The following SPIRE1 variants were observed in gnomAD, a reference collection of about 807,000 sequenced individuals.
The protein encoded by SPIRE1 is protein spire homolog 1.
SPIRE1 carries 40 observed loss-of-function variants against 94.1 expected under a neutral mutation model. The ratio of observed to expected loss-of-function variants is 0.43; its 90% confidence interval spans 0.33 to 0.55. The LOEUF is 0.55. Among genes scored for constraint, SPIRE1 ranks in the 20% least tolerant of loss-of-function variants. SPIRE1 has a pLI of 0.06. For missense variants in SPIRE1, 838 were observed against 975.2 expected, an observed-to-expected ratio of 0.86 and a Z score of 1.87; for synonymous variants, 376 against 371.7, an observed-to-expected ratio of 1.01 and a Z score of -0.13.
chr18:12,505,650 T>C (rs906848348), intron 6 of SPIRE1, among the ~76,000 whole-genome samples: 6 of 152,014 alleles, frequency 3.9e-5, no homozygotes, highest in Non-Finnish European at 5.9e-5. Context: ...AATTTGCTAA[T>C]GAACTAGATG....
chr18:12,600,061 T>C (rs935927878), intron 2 of SPIRE1, among the ~76,000 whole-genome samples: 3 of 144,808 alleles, frequency 2.1e-5, no homozygotes, highest in African/African-American at 7.8e-5. Context: ...TGCAGATAGA[T>C]AGTCTCTACG....
chr18:12,584,823 A>G (rs1195083282), intron 2 of SPIRE1, among the ~76,000 whole-genome samples: 11 of 152,128 alleles, frequency 7.2e-5, no homozygotes, highest in Admixed American at 7.2e-4. Context: ...CCTGTTGCCC[A>G]GGCTGGAGTG....
At chr18:12,568,315 A>G (rs1226338042) in intron 2 of SPIRE1, among the ~76,000 whole-genome samples, 1 of 152,046 alleles carries the variant, frequency 6.6e-6, no homozygotes, top group Non-Finnish European at 1.5e-5. Context: ...TTTAGTTATC[A>G]CTCATGTATG....
At chr18:12,581,034 C>A (rs1175671034) in intron 2 of SPIRE1, among the ~76,000 whole-genome samples, 1 of 152,202 alleles carries the variant, frequency 6.6e-6, no homozygotes, top group Non-Finnish European at 1.5e-5. Flanking sequence ...CTTTTCCTAG[C>A]ACACTGTCTT....
chr18:12,610,495 GTAA>G (rs1344418387), intron 2 of SPIRE1, among the ~76,000 whole-genome samples: 1 of 152,046 alleles, frequency 6.6e-6, no homozygotes, highest in Non-Finnish European at 1.5e-5. Flanking sequence ...ATCAAACATT[GTAA>G]TAATTTGCCC....
chr18:12,454,342 C>G lies in SPIRE1; in HGVS notation c.1776+4G>C, dbSNP rs376331981. 12 of 1,613,982 alleles carry G rather than the reference C, an allele frequency of 7.4e-6. No individual in the cohort carries two copies. The African/African-American group carries it at 1.6e-4, about 22-fold the overall frequency. Reference sequence around the variant, plus strand: ...TCTGATCAATCAACTTTAAACAGCACTACCTTTCCTTTTTTCAAGGCGGTG... The same window carrying G: ...TCTGATCAATCAACTTTAAACAGCAGTACCTTTCCTTTTTTCAAGGCGGTG... On this transcript the variant is annotated splice_donor_region_variant and intron_variant, in intron 13 of 16. Transcript: ENST00000409402.
In SPIRE1 at chr18:12,449,207, T is replaced by TTAAAA; in HGVS notation, c.*430_*431insTTTTA. 2.3e-5 allele frequency: 4 copies of TTAAAA among 177,190 alleles called. No homozygotes were observed. Among genetic ancestry groups the TTAAAA allele is most frequent in the South Asian group, 1.4e-4 (1 of 7,340 alleles). 11.0% of individuals were successfully genotyped at this position (177,190 alleles called of 1,614,324 possible). ...GCTCTGGATCTCTCTGTACACGGGATAGAAACACAGTCACGTGGAAATGCC... is the reference window on the plus strand; with the variant it reads ...GCTCTGGATCTCTCTGTACACGGGATTAAAAAGAAACACAGTCACGTGGAAATGCC... On this transcript the variant is annotated 3_prime_UTR_variant, in exon 17 of 17. Coordinates refer to ENST00000409402, the MANE Select transcript of SPIRE1 (RefSeq NM_001128626.2).
rs867745613 is a variant in SPIRE1 at position 12,559,173 on chromosome 18, C to A, written c.373-12269G>T. ...GAGGCTCCATCTGCTTAGGAGCCCA[C>A]GGGGTGGGGTGGGGTGGGGGGGCGC... On this transcript the variant is annotated intron_variant, in intron 2 of 16. Transcript: ENST00000409402. The surrounding 1 kb of genome is among the most constrained non-coding windows in gnomAD (Gnocchi z 4.7). Among the ~76,000 whole-genome samples, 1 of 108,398 alleles carries A rather than the reference C, an allele frequency of 9.2e-6. No homozygotes were observed. The highest frequency in any genetic ancestry group is 1.8e-5 in the Non-Finnish European group (1 of 54,642). 71.1% of individuals were successfully genotyped at this position (108,398 alleles called of 152,430 possible).
At chr18:12,473,906 T>A (rs1328812356) in intron 10 of SPIRE1, among the ~76,000 whole-genome samples, 2 of 152,224 alleles carry the variant, frequency 1.3e-5, no homozygotes, top group Non-Finnish European at 2.9e-5. Context: ...CAGCTGATAT[T>A]GTGGAATGGT....
chr18:12,659,483 A>G (rs2038650717), upstream of SPIRE1, among the ~76,000 whole-genome samples: 7 of 152,176 alleles, frequency 4.6e-5, no homozygotes, highest in Admixed American at 4.6e-4. Flanking sequence ...CCTGGCCAAC[A>G]TGGGGAAACC....
intron 2 of SPIRE1, among the ~76,000 whole-genome samples, chr18:12,613,407 A>G (rs2037197925): frequency 6.6e-6 from 1 of 152,142 alleles, no homozygotes; most frequent in South Asian, 2.1e-4. Flanking sequence ...ACAATTCAAG[A>G]CCAAAACTTC....
Position 12,657,511 on chromosome 18 carries a change from A to G in SPIRE1, c.337+19T>C, listed in dbSNP as rs1179283450. The G allele has an allele frequency of 9.8e-6, 12 of 1,229,078 alleles. No homozygotes were observed. The highest frequency in any genetic ancestry group is 1.1e-5 in the Non-Finnish European group (11 of 985,486). The allele number at this position is 1,229,078 out of a possible 1,614,324, so 76.1% of individuals were successfully genotyped here. On this transcript the variant is annotated intron_variant, in intron 1 of 16. Coordinates refer to ENST00000409402, the MANE Select transcript of SPIRE1 (RefSeq NM_001128626.2). The stretch of plus-strand genomic sequence containing the variant: ...GGGTGTTCCAAGAACTACGAGGGAA[A>G]GGGGCCCGGCGGCCTCACCCGCAAC...
intron 9 of SPIRE1, among the ~76,000 whole-genome samples, chr18:12,481,751 C>T (rs1012244032): frequency 7.2e-5 from 11 of 151,938 alleles, no homozygotes; most frequent in African/African-American, 2.7e-4. Context: ...CAAAAAGCAG[C>T]AAGTTTTTAT....
At chr18:12,498,592 T>G (rs2033546277) in intron 6 of SPIRE1, among the ~76,000 whole-genome samples, 1 of 152,072 alleles carries the variant, frequency 6.6e-6, no homozygotes. Flanking sequence ...TCTGAAAAAT[T>G]TAAAACGTCT....
chr18:12,458,864 G>A (rs1598888296), intron 12 of SPIRE1, among the ~76,000 whole-genome samples: 1 of 152,182 alleles, frequency 6.6e-6, no homozygotes, highest in Non-Finnish European at 1.5e-5. Flanking sequence ...AAAGATCAGA[G>A]AAAGGAATGT....
chr18:12,654,650 G>A (rs1465082095), intron 1 of SPIRE1, among the ~76,000 whole-genome samples: 1 of 150,460 alleles, frequency 6.6e-6, no homozygotes, highest in Non-Finnish European at 1.5e-5. Context: ...GCGAGACTCC[G>A]TCTCAAAAAA....
chr18:12,493,232 C>T lies in SPIRE1; in HGVS notation c.1060-31G>A, dbSNP rs375373942. On this transcript the variant is annotated intron_variant, in intron 7 of 16. Transcript: ENST00000409402. ...AAGTAAGAAAAATGGCTAAAGACTT[C>T]AGTAATTAAGTAATTTTTACTGAAG... 275 of 1,592,826 alleles carry T rather than the reference C, an allele frequency of 1.7e-4. No individual in the cohort carries two copies. The African/African-American group carries it at 3.4e-3, about 20-fold the overall frequency.
intron 2 of SPIRE1, among the ~76,000 whole-genome samples, chr18:12,590,584 G>C (rs2036506842): frequency 1.3e-5 from 2 of 151,986 alleles, no homozygotes; most frequent in African/African-American, 2.4e-5. Context: ...TGAAAACAGA[G>C]TATAAAAGTG....
chr18:12,459,671 T>C, intron 12 of SPIRE1: 1 of 824,934 alleles, frequency 1.2e-6, no homozygotes, highest in Non-Finnish European at 1.5e-6. Context: ...AAGCGGTTAA[T>C]TCTCAGAGAA....
Sources: gnomAD v4.1 joint callset for allele counts (sites outside exome capture counted in the v4.1 genomes callset) on GRCh38, gnomAD v4.1.1 for gene constraint, Gnocchi (gnomAD v3.1) non-coding constraint, MANE v1.5 for transcripts, NCBI Gene and HGNC (gene_info 2026-07-23, HGNC 2026-07-21) for gene names.